The following PLCB4 variants were observed in gnomAD, a reference collection of about 807,000 sequenced individuals.
PLCB4 encodes 1-phosphatidylinositol 4,5-bisphosphate phosphodiesterase beta-4.
A neutral mutation model predicts 178.8 loss-of-function variants in PLCB4; 77 were observed. That is an observed-to-expected ratio of 0.43 (90% CI 0.36 to 0.52). The LOEUF (loss-of-function observed/expected upper bound fraction) is 0.52, where lower values mean the gene tolerates loss of function less well. Ranked by LOEUF, PLCB4 falls within the 20% of genes least tolerant of loss-of-function variation. PLCB4 has a pLI of 0.00. For synonymous variants in PLCB4, 496 were observed against 490.8 expected (o/e 1.01, Z -0.14); for missense variants, 1,024 against 1,453.4 (o/e 0.70, Z 4.80).
At chr20:9,409,745 TTCCA>T (rs1182900335) in intron 24 of PLCB4, among the ~76,000 whole-genome samples, 4 of 151,970 alleles carry the variant, frequency 2.6e-5, no homozygotes, top group African/African-American at 7.3e-5. Context: ...AAAGTCAGGT[TTCCA>T]ATATATAATG....
At chr20:9,347,647 C>T (rs2033936266) in intron 7 of PLCB4, among the ~76,000 whole-genome samples, 1 of 152,118 alleles carries the variant, frequency 6.6e-6, no homozygotes, top group Admixed American at 6.5e-5. Context: ...AGGAATTGCA[C>T]CATGTGTCCT....
chr20:9,344,555 A>G (rs531260969), intron 7 of PLCB4, among the ~76,000 whole-genome samples: 1 of 152,322 alleles, frequency 6.6e-6, no homozygotes, highest in Non-Finnish European at 1.5e-5. Context: ...TTCCAACCCA[A>G]GTGATAAAGG....
chr20:9,114,930 G>A (rs548334084), intron 2 of PLCB4, among the ~76,000 whole-genome samples: 3 of 152,122 alleles, frequency 2.0e-5, no homozygotes, highest in Admixed American at 1.3e-4. Flanking sequence ...CTGTGACACC[G>A]GCCTTTGGTT....
intron 28 of PLCB4, among the ~76,000 whole-genome samples, chr20:9,427,351 A>G (rs1314214984): frequency 6.6e-6 from 1 of 152,066 alleles, no homozygotes; most frequent in South Asian, 2.1e-4. Flanking sequence ...AATGTCCAAC[A>G]ATACAGTCTC....
chr20:9,363,728 C>T (rs1348568774), intron 8 of PLCB4, among the ~76,000 whole-genome samples: 4 of 152,220 alleles, frequency 2.6e-5, no homozygotes, highest in African/African-American at 9.6e-5. Context: ...TGGGGGCCAT[C>T]TGCCTTCACA....
chr20:9,201,159 A>G (rs1165520080), intron 2 of PLCB4, among the ~76,000 whole-genome samples: 3 of 152,190 alleles, frequency 2.0e-5, no homozygotes, highest in African/African-American at 7.2e-5. Flanking sequence ...TTATAATCAG[A>G]TCATTATTAT....
intron 2 of PLCB4, among the ~76,000 whole-genome samples, chr20:9,105,432 A>C (rs752533190): frequency 8.5e-5 from 13 of 152,084 alleles, no homozygotes; most frequent in Non-Finnish European, 1.6e-4. Context: ...TGAAGTGTAC[A>C]CTCAGTACAA....
At chr20:9,095,775 A>G (rs1269332985) in intron 1 of PLCB4, among the ~76,000 whole-genome samples, 1 of 152,130 alleles carries the variant, frequency 6.6e-6, no homozygotes, top group Non-Finnish European at 1.5e-5. Flanking sequence ...GCCCATAAAT[A>G]TAGTTTATTG....
rs541670928 is a variant in PLCB4 at position 9,250,499 on chromosome 20, C to G, written c.-16+33047C>G. Among the ~76,000 whole-genome samples, 15 of 152,328 alleles carry G rather than the reference C, an allele frequency of 9.8e-5. No individual in the cohort carries two copies. In the South Asian group the frequency reaches 2.7e-3, roughly 27 times the overall value. ...CTGCATATGAGTTATATATTTTACTCCCATGATGCATTTGTATAGTTCTAA... is the reference window on the plus strand; with the variant it reads ...CTGCATATGAGTTATATATTTTACTGCCATGATGCATTTGTATAGTTCTAA... On this transcript the variant is annotated intron_variant, in intron 3 of 39. Transcript: ENST00000378473.
Position 9,222,400 on chromosome 20 carries a change from G to T in PLCB4, c.-16+4948G>T, listed in dbSNP as rs1390655361. Among the ~76,000 whole-genome samples the T allele has an allele frequency of 3.3e-5, 5 of 152,084 alleles. No individual in the cohort carries two copies. In the South Asian group the frequency reaches 1.0e-3, roughly 32 times the overall value. On this transcript the variant is annotated intron_variant, in intron 3 of 39. Transcript: ENST00000378473. Reference sequence around the variant, plus strand: ...GAGCTACTGTGCCCAGCCCTCTTGGGTGCCTTCGATTCAGTACAGCACAAA... The same window carrying T: ...GAGCTACTGTGCCCAGCCCTCTTGGTTGCCTTCGATTCAGTACAGCACAAA...
chr20:9,194,802 G>T (rs955206029), intron 2 of PLCB4, among the ~76,000 whole-genome samples: 3 of 151,808 alleles, frequency 2.0e-5, no homozygotes, highest in African/African-American at 7.3e-5. Context: ...TAATATTTGC[G>T]GTGATTATAA....
In PLCB4 at chr20:9,472,804, TAAAC is replaced by T. The variant is rs1568915913; in HGVS notation, c.3367_3370del (p.Asn1123AlafsTer16). On this transcript the variant is annotated frameshift_variant, in exon 37 of 40. Transcript: ENST00000378473. LOFTEE classifies it high-confidence loss of function. ...ATTGCTTTTAGGCGAGTCAGGGAGT[TAAAC>T]AGCAGCAACACTAAAAAGTTTCTGG... is the stretch of plus-strand genomic sequence containing the variant. 6.3e-7 allele frequency: 1 copy of T among 1,599,378 alleles called. No individual in the cohort carries two copies.
chr20:9,183,696 C>G (rs1394678244), intron 2 of PLCB4, among the ~76,000 whole-genome samples: 1 of 151,854 alleles, frequency 6.6e-6, no homozygotes, highest in African/African-American at 2.4e-5. Flanking sequence ...AAGTTGTATA[C>G]AAATTGAATT....
At chr20:9,319,544 G>A (rs2094936309) in intron 4 of PLCB4, among the ~76,000 whole-genome samples, 1 of 152,094 alleles carries the variant, frequency 6.6e-6, no homozygotes, top group South Asian at 2.1e-4. Context: ...AAACGAGTAG[G>A]GCAGTTCCAG....
At chr20:9,400,763 C>T (rs2038963006) in intron 19 of PLCB4, among the ~76,000 whole-genome samples, 1 of 151,938 alleles carries the variant, frequency 6.6e-6, no homozygotes, top group African/African-American at 2.4e-5. Flanking sequence ...CTTTTTTTTC[C>T]CCACGAACAT....
At chr20:9,419,251 A>G (rs1456693416) in intron 25 of PLCB4, among the ~76,000 whole-genome samples, 2 of 152,120 alleles carry the variant, frequency 1.3e-5, no homozygotes, top group African/African-American at 4.8e-5. Flanking sequence ...TTGATTGTGA[A>G]TGTAGACAAC....
intron 14 of PLCB4, among the ~76,000 whole-genome samples, chr20:9,385,506 T>C (rs1020221085): frequency 4.8e-5 from 5 of 103,682 alleles, no homozygotes; most frequent in Non-Finnish European, 9.7e-5. Flanking sequence ...TTCCCAGTCG[T>C]GGCGGCTGGG....
At chr20:9,369,624 T>A (rs1391162158) in intron 9 of PLCB4, among the ~76,000 whole-genome samples, 2 of 152,210 alleles carry the variant, frequency 1.3e-5, no homozygotes, top group Admixed American at 1.3e-4. Context: ...CTCTTAAAAA[T>A]GTACTTCTTG....
chr20:9,466,666 GAC>G (rs2043806041), intron 35 of PLCB4, among the ~76,000 whole-genome samples: 2 of 152,166 alleles, frequency 1.3e-5, no homozygotes, highest in Non-Finnish European at 2.9e-5. Flanking sequence ...GCAGCCAACA[GAC>G]ACATGAAAAA....
Sources: gnomAD v4.1 joint callset for allele counts (sites outside exome capture counted in the v4.1 genomes callset) on GRCh38, gnomAD v4.1.1 for gene constraint, MANE v1.5 for transcripts, NCBI Gene and HGNC (gene_info 2026-07-23, HGNC 2026-07-21) for gene names.